Variants in NRG3 observed in about 807,000 individuals in gnomAD.
The protein encoded by NRG3 is neuregulin 3.
A neutral mutation model predicts 66.9 loss-of-function variants in NRG3; 31 were observed. That is an observed-to-expected ratio of 0.46 (90% confidence interval 0.35 to 0.63). NRG3 has a LOEUF of 0.63. Among genes scored for constraint, NRG3 ranks in the 20% least tolerant of loss-of-function variants. The probability of loss-of-function intolerance (pLI) is 0.00; values close to 1 mark genes in which losing one functional copy is unlikely to be tolerated. For missense variants in NRG3, 910 were observed against 878.9 expected (o/e 1.04, Z -0.45); for synonymous variants, 393 against 359.4 (o/e 1.09, Z -1.06).
chr10:82,472,746 C>A (rs1841393150), intron 2 of NRG3, among the ~76,000 whole-genome samples: 1 of 152,174 alleles, frequency 6.6e-6, no homozygotes, highest in African/African-American at 2.4e-5. Flanking sequence ...TAATTAGTGT[C>A]CTACAGTCTT....
intron 3 of NRG3, among the ~76,000 whole-genome samples, chr10:82,761,983 TTC>T (rs2059344074): frequency 2.1e-5 from 3 of 145,872 alleles, no homozygotes; most frequent in African/African-American, 7.5e-5. Context: ...TTTTCTTTCT[TTC>T]TTCTTTCTTT....
At chr10:82,026,660 G>C (rs2062324721) in intron 1 of NRG3, among the ~76,000 whole-genome samples, 1 of 151,752 alleles carries the variant, frequency 6.6e-6, no homozygotes, top group Admixed American at 6.6e-5. Flanking sequence ...GTGTGGGTGT[G>C]TTTGAATTTT....
intron 2 of NRG3, among the ~76,000 whole-genome samples, chr10:82,431,952 A>G (rs989435166): frequency 1.3e-5 from 2 of 152,078 alleles, no homozygotes; most frequent in Non-Finnish European, 2.9e-5. Flanking sequence ...TTCTTTAATC[A>G]CTCTCATAAT....
chr10:81,898,178 C>CA (rs765232794), intron 1 of NRG3, among the ~76,000 whole-genome samples: 2 of 152,162 alleles, frequency 1.3e-5, no homozygotes, highest in Non-Finnish European at 2.9e-5. Context: ...TGCAACCTCA[C>CA]ACTCATTCTT....
chr10:82,447,961 G>A (rs1202908024), intron 2 of NRG3, among the ~76,000 whole-genome samples: 10 of 152,102 alleles, frequency 6.6e-5, no homozygotes, highest in Non-Finnish European at 1.2e-4. Context: ...GTTCCGTTAC[G>A]CCTTTTAAAT....
intron 1 of NRG3, among the ~76,000 whole-genome samples, chr10:82,189,680 C>T (rs1193431473): frequency 2.6e-5 from 4 of 152,068 alleles, no homozygotes; most frequent in Non-Finnish European, 5.9e-5. Context: ...ATCCCAGCTA[C>T]TTGGGAGGCT....
intron 2 of NRG3, among the ~76,000 whole-genome samples, chr10:82,521,127 TAA>T (rs1846136793): frequency 6.6e-6 from 1 of 152,180 alleles, no homozygotes; most frequent in African/African-American, 2.4e-5. Flanking sequence ...TCAGCACATA[TAA>T]AAGTTATATT....
chr10:82,606,730 C>T (rs946509069), intron 2 of NRG3, among the ~76,000 whole-genome samples: 1 of 152,130 alleles, frequency 6.6e-6, no homozygotes, highest in Non-Finnish European at 1.5e-5. Flanking sequence ...TAACCACCTG[C>T]TCCTTCATTG....
rs532446979 is a variant in NRG3 at position 81,970,168 on chromosome 10, C to A, written c.823+94005C>A. On this transcript the variant is annotated intron_variant, in intron 1 of 8. Transcript: ENST00000372141. ...AGATCATCTGTTAATACTTCTGTAG[C>A]CTTTTACAGGAACAGAGGAAAAGTA... Among the ~76,000 whole-genome samples the A allele has an allele frequency of 2.6e-5, 4 of 152,250 alleles. No homozygotes were observed. In the South Asian group the frequency reaches 8.3e-4, roughly 32 times the overall value.
chr10:82,007,416 G>A (rs746658014), intron 1 of NRG3, among the ~76,000 whole-genome samples: 4 of 151,770 alleles, frequency 2.6e-5, no homozygotes, highest in Non-Finnish European at 5.9e-5. Context: ...CACAATGTTG[G>A]CCAGATGGTT....
At chr10:82,250,650 G>A (rs551760189) in intron 1 of NRG3, among the ~76,000 whole-genome samples, 1 of 152,292 alleles carries the variant, frequency 6.6e-6, no homozygotes, top group South Asian at 2.1e-4. Flanking sequence ...CCTGCTTCCA[G>A]GAAGCCTTGC....
intron 1 of NRG3, among the ~76,000 whole-genome samples, chr10:81,907,627 G>A (rs1420626506): frequency 6.6e-6 from 1 of 152,162 alleles, no homozygotes; most frequent in Admixed American, 6.5e-5. Flanking sequence ...TGGAAACTGA[G>A]ATTTTTAATA....
At chr10:82,312,204 G>A (rs577428255) in intron 1 of NRG3, among the ~76,000 whole-genome samples, 4 of 152,188 alleles carry the variant, frequency 2.6e-5, no homozygotes, top group African/African-American at 7.2e-5. Context: ...ATCTCACACA[G>A]GAAACGATCA....
intron 1 of NRG3, among the ~76,000 whole-genome samples, chr10:81,975,737 A>G (rs192637316): frequency 1.1e-3 from 168 of 152,268 alleles, no homozygotes; most frequent in Non-Finnish European, 2.1e-3. Flanking sequence ...AGACTATGTT[A>G]TGTTACATGT....
chr10:82,766,027 T>C (rs1239225394), intron 3 of NRG3, among the ~76,000 whole-genome samples: 2 of 152,166 alleles, frequency 1.3e-5, no homozygotes, highest in African/African-American at 2.4e-5. Context: ...TTGATGTGCC[T>C]ATTTCTTTGA....
intron 2 of NRG3, among the ~76,000 whole-genome samples, chr10:82,360,570 G>A (rs1334707936): frequency 6.6e-6 from 1 of 152,180 alleles, no homozygotes; most frequent in Non-Finnish European, 1.5e-5. Flanking sequence ...ACTATCAGGA[G>A]AACAAAGTAA....
In NRG3 at chr10:82,839,369, TCTA is replaced by T. The variant is rs1430163726; in HGVS notation, c.1028-26037_1028-26035del. Among the ~76,000 whole-genome samples, 4 of 152,230 alleles carry T rather than the reference TCTA, an allele frequency of 2.6e-5. No individual in the cohort carries two copies. The East Asian group carries it at 7.7e-4, about 29-fold the overall frequency. On this transcript the variant is annotated intron_variant, in intron 3 of 8. Coordinates refer to ENST00000372141, the MANE Select transcript of NRG3 (RefSeq NM_001010848.4). Reference sequence around the variant, plus strand: ...AAGTTTGATGTCATTATGTTGAACTTCTACTACAATTAAGTGAGAAGATAAATG... The same window carrying T: ...AAGTTTGATGTCATTATGTTGAACTTCTACAATTAAGTGAGAAGATAAATG...
intron 1 of NRG3, among the ~76,000 whole-genome samples, chr10:82,196,178 G>A (rs911736973): frequency 6.6e-5 from 10 of 152,110 alleles, no homozygotes; most frequent in Admixed American, 1.3e-4. Flanking sequence ...AAAACATGGC[G>A]GGATTCATAA....
At chr10:82,074,534 T>C (rs1014524951) in intron 1 of NRG3, among the ~76,000 whole-genome samples, 2 of 152,184 alleles carry the variant, frequency 1.3e-5, no homozygotes, top group Non-Finnish European at 2.9e-5. Context: ...GAGGCTACCA[T>C]AGCAGGCTAG....
Sources: gnomAD v4.1 joint callset for allele counts (sites outside exome capture counted in the v4.1 genomes callset) on GRCh38, gnomAD v4.1.1 for gene constraint, MANE v1.5 for transcripts, NCBI Gene and HGNC (gene_info 2026-07-23, HGNC 2026-07-21) for gene names.